NUP210L: variants seen among roughly 807,000 people sequenced by gnomAD.
NUP210L encodes the protein nucleoporin 210 like.
A neutral mutation model predicts 208.5 loss-of-function variants in NUP210L; 74 were observed. The observed-to-expected ratio is 0.35, with a 90% CI of 0.29 to 0.43. NUP210L has a LOEUF of 0.43. Among genes scored for constraint, NUP210L ranks in the 20% least tolerant of loss-of-function variants. The probability of loss-of-function intolerance (pLI) is 1.00; values close to 1 mark genes in which losing one functional copy is unlikely to be tolerated. For missense variants in NUP210L, 1,843 were observed against 2,289.4 expected (o/e 0.81, Z 3.98); for synonymous variants, 780 against 816.9 (o/e 0.95, Z 0.77).
intron 22 of NUP210L, among the ~76,000 whole-genome samples, chr1:154,057,404 G>A (rs1197163268): frequency 6.6e-6 from 1 of 152,084 alleles, no homozygotes; most frequent in Non-Finnish European, 1.5e-5. Context: ...AATTTCAAGG[G>A]AACGGTGGAA....
At chr1:154,013,573 CA>C (rs141941595) in intron 33 of NUP210L, among the ~76,000 whole-genome samples, 19,514 of 150,538 alleles carry the variant, frequency 0.13, 2,174 homozygotes, top group African/African-American at 0.29. Context: ...GACTCCATCT[CA>C]AAAAAACAAA....
intron 16 of NUP210L, among the ~76,000 whole-genome samples, chr1:154,082,501 T>G (rs759266546): frequency 2.0e-5 from 3 of 152,152 alleles, no homozygotes; most frequent in Non-Finnish European, 4.4e-5. Context: ...CAGGTGGAGA[T>G]TCCCAGAGGA....
intron 16 of NUP210L, among the ~76,000 whole-genome samples, chr1:154,082,119 T>C (rs1255944647): frequency 1.3e-5 from 2 of 152,082 alleles, no homozygotes; most frequent in Non-Finnish European, 2.9e-5. Flanking sequence ...TGGGACTCTC[T>C]GAAGATTTTT....
At chr1:154,154,779 A>AC (rs1304596034) in intron 1 of NUP210L, 63 bp downstream of exon 1, 15 of 1,319,118 alleles carry the variant, frequency 1.1e-5, no homozygotes, top group East Asian at 2.3e-5. Flanking sequence ...TACAGAGGGA[A>AC]CCCCCCTCAC....
At chr1:154,008,796 A>C (rs113848321) in intron 35 of NUP210L, among the ~76,000 whole-genome samples, 104 of 152,290 alleles carry the variant, frequency 6.8e-4, no homozygotes, top group African/African-American at 1.9e-3. Flanking sequence ...CAGGTATTAT[A>C]AACAGTTTGC....
intron 8 of NUP210L, among the ~76,000 whole-genome samples, chr1:154,127,868 T>G (rs1433283865): frequency 6.6e-6 from 1 of 151,610 alleles, no homozygotes; most frequent in Non-Finnish European, 1.5e-5. Context: ...AGTAGATTTT[T>G]TTGTTGTTAT....
intron 16 of NUP210L, among the ~76,000 whole-genome samples, chr1:154,076,663 C>A (rs192067993): frequency 6.6e-6 from 1 of 151,810 alleles, no homozygotes; most frequent in Non-Finnish European, 1.5e-5. Flanking sequence ...CTGAGATTAT[C>A]CAGTCTGATG....
At chr1:154,081,385 T>C (rs1178079921) in intron 16 of NUP210L, among the ~76,000 whole-genome samples, 2 of 152,200 alleles carry the variant, frequency 1.3e-5, no homozygotes, top group Non-Finnish European at 1.5e-5. Context: ...AAAGAGGTTG[T>C]CCTCAGTTCC....
chr1:154,002,009 G>T, intron 35 of NUP210L, 24 bp from the exon 36 acceptor site: 1 of 1,610,316 alleles, frequency 6.2e-7, no homozygotes, highest in South Asian at 1.1e-5. Flanking sequence ...AGGAAAAACT[G>T]AGCAGGAAGG....
intron 6 of NUP210L, among the ~76,000 whole-genome samples, chr1:154,136,793 T>A (rs1314257457): frequency 1.4e-5 from 2 of 144,854 alleles, no homozygotes; most frequent in Non-Finnish European, 3.1e-5. Flanking sequence ...AGTGGCGGGC[T>A]CCTGTAATCC....
chr1:154,117,825 A>G (rs1657410566), exon 12 of NUP210L: 1 of 1,611,546 alleles, frequency 6.2e-7, no homozygotes, highest in South Asian at 1.1e-5. Flanking sequence ...CGTGGTTACT[A>G]TGACCACTGT....
chr1:154,151,001 G>T (rs561739424), intron 2 of NUP210L, among the ~76,000 whole-genome samples: 1 of 152,106 alleles, frequency 6.6e-6, no homozygotes, highest in South Asian at 2.1e-4. Flanking sequence ...TAGTAAAATT[G>T]GGAAAGTTGA....
At chr1:154,083,070 A>T (rs147748030) in intron 16 of NUP210L, among the ~76,000 whole-genome samples, 2 of 152,308 alleles carry the variant, frequency 1.3e-5, no homozygotes, top group African/African-American at 4.8e-5. Flanking sequence ...AAGCAGCAAG[A>T]TTTACTGTGA....
In NUP210L at chr1:154,080,354, C is replaced by T. The variant is rs191279921; in HGVS notation, c.2361+9067G>A. Among the ~76,000 whole-genome samples, 113 of 134,488 alleles carry T rather than the reference C, an allele frequency of 8.4e-4. No homozygotes were observed. The East Asian group carries it at 0.021, about 25-fold the overall frequency. The allele number at this position is 134,488 out of a possible 152,430, so 88.2% of individuals were successfully genotyped here. A position where few individuals can be genotyped will look rare whatever the true frequency, so the allele number is the denominator to read the frequency against. ...CAGCCTGGGCGACAGAGCAAGACTC[C>T]ATCTCAAAAAAAAAAAAAGGAAGAA... On this transcript the variant is annotated intron_variant, in intron 16 of 39. Coordinates refer to ENST00000368559, the Ensembl canonical transcript of NUP210L.
intron 2 of NUP210L, among the ~76,000 whole-genome samples, chr1:154,144,484 A>G (rs1256607282): frequency 6.6e-6 from 1 of 152,190 alleles, no homozygotes; most frequent in Non-Finnish European, 1.5e-5. Context: ...ATCTAGCTAG[A>G]GTCCCAGTCC....
intron 15 of NUP210L, 59 bp from the exon 16 acceptor site, chr1:154,089,653 C>T (rs565843296): frequency 7.3e-7 from 1 of 1,367,720 alleles, no homozygotes; most frequent in Admixed American, 1.7e-5. Flanking sequence ...GTCAGTCATG[C>T]CAATATAAAT....
chr1:154,078,861 A>C (rs894225333), intron 16 of NUP210L: 1 of 152,200 alleles, frequency 6.6e-6, no homozygotes, highest in Non-Finnish European at 1.5e-5. Flanking sequence ...CTAAACAAGA[A>C]GGCCATGCAG....
At chr1:154,045,318 A>G (rs1254353548) in intron 27 of NUP210L, among the ~76,000 whole-genome samples, 2 of 152,068 alleles carry the variant, frequency 1.3e-5, no homozygotes, top group African/African-American at 4.8e-5. Flanking sequence ...ATCACCCAGC[A>G]TGTAGCACAA....
intron 37 of NUP210L, among the ~76,000 whole-genome samples, chr1:154,000,375 C>G (rs1056508574): frequency 3.9e-5 from 6 of 152,162 alleles, no homozygotes; most frequent in African/African-American, 1.4e-4. Flanking sequence ...CCTCTACGTA[C>G]TATGTTTTCC....
Sources: gnomAD v4.1 joint callset for allele counts (sites outside exome capture counted in the v4.1 genomes callset) on GRCh38, gnomAD v4.1.1 for gene constraint, MANE v1.5 for transcripts, NCBI Gene and HGNC (gene_info 2026-07-23, HGNC 2026-07-21) for gene names.